Variants in NDUFAF2 observed in about 807,000 individuals in gnomAD.
NDUFAF2 encodes the protein NADH dehydrogenase [ubiquinone] 1 alpha subcomplex assembly factor 2.
A neutral mutation model predicts 22.8 loss-of-function variants in NDUFAF2; 13 were observed. The observed-to-expected ratio is 0.57, with a 90% CI of 0.37 to 0.91. The LOEUF is 0.91. Ranked by LOEUF, NDUFAF2 falls within the 40% of genes least tolerant of loss-of-function variation. The pLI, the probability that NDUFAF2 is intolerant of heterozygous loss-of-function variation, is 0.01. For missense variants in NDUFAF2, 162 were observed against 195.2 expected, an observed-to-expected ratio of 0.83 and a Z score of 1.01; for synonymous variants, 53 against 64.2, an observed-to-expected ratio of 0.83 and a Z score of 0.84.
intron 1 of NDUFAF2, among the ~76,000 whole-genome samples, chr5:60,969,751 T>C (rs1023760827): frequency 6.6e-6 from 1 of 152,180 alleles, no homozygotes; most frequent in Admixed American, 6.5e-5. Flanking sequence ...TATCCATTTT[T>C]GCTTTGGTTG....
Position 60,983,615 on chromosome 5 carries a change from G to A in NDUFAF2, c.127+38233G>A, listed in dbSNP as rs200942798. Among the ~76,000 whole-genome samples, 326 of 148,790 alleles carry A rather than the reference G, an allele frequency of 2.2e-3. 3 individuals carry two copies. The highest frequency in any genetic ancestry group is 7.0e-3 in the East Asian group (35 of 4,980). On this transcript the variant is annotated intron_variant, in intron 1 of 3. Coordinates refer to ENST00000296597, the MANE Select transcript of NDUFAF2 (RefSeq NM_174889.5). ...AAGGGATCCAGTTTCAGCTTTCTAC[G>A]TATGGCTAGCCAGTTTTCCCAGCAC...
chr5:61,069,068 C>A (rs562991440), intron 1 of NDUFAF2, among the ~76,000 whole-genome samples: 60 of 151,074 alleles, frequency 4.0e-4, no homozygotes, highest in African/African-American at 1.4e-3. Context: ...ATTACTCATG[C>A]AGAGCTAAAA....
chr5:60,987,239 T>A (rs1751094382), intron 1 of NDUFAF2, among the ~76,000 whole-genome samples: 1 of 152,034 alleles, frequency 6.6e-6, no homozygotes. Flanking sequence ...AGAAATTGAA[T>A]CCCTGAACAG....
chr5:61,023,122 A>G (rs1265092881), intron 1 of NDUFAF2, among the ~76,000 whole-genome samples: 1 of 152,054 alleles, frequency 6.6e-6, no homozygotes, highest in African/African-American at 2.4e-5. Flanking sequence ...TTCTTCTGTC[A>G]TTTCCTTCTA....
At chr5:61,074,816 A>G (rs941333764) in intron 2 of NDUFAF2, among the ~76,000 whole-genome samples, 2 of 152,104 alleles carry the variant, frequency 1.3e-5, no homozygotes, top group Non-Finnish European at 2.9e-5. Context: ...ATAAAGGAAA[A>G]AGGTTTAATT....
At chr5:60,966,772 T>C (rs1400406700) in intron 1 of NDUFAF2, among the ~76,000 whole-genome samples, 1 of 152,078 alleles carries the variant, frequency 6.6e-6, no homozygotes, top group Non-Finnish European at 1.5e-5. Context: ...TGAAATCAAG[T>C]AGTGTGGTGC....
chr5:60,997,515 A>G (rs1472970239), intron 1 of NDUFAF2, among the ~76,000 whole-genome samples: 1 of 152,216 alleles, frequency 6.6e-6, no homozygotes, highest in Non-Finnish European at 1.5e-5. Flanking sequence ...TGGAATTTAA[A>G]AACTTTATTG....
At chr5:60,947,122 C>G (rs1364443858) in intron 1 of NDUFAF2, among the ~76,000 whole-genome samples, 2 of 152,092 alleles carry the variant, frequency 1.3e-5, no homozygotes, top group African/African-American at 2.4e-5. Flanking sequence ...TTTCATATCT[C>G]TTGGGTAAAT....
chr5:60,985,122 G>A (rs1339846899), intron 1 of NDUFAF2, among the ~76,000 whole-genome samples: 1 of 152,188 alleles, frequency 6.6e-6, no homozygotes, highest in Non-Finnish European at 1.5e-5. Flanking sequence ...TTTAGTCTTG[G>A]AAGGATGTAT....
At chr5:60,959,263 C>T (rs2112566577) in intron 1 of NDUFAF2, among the ~76,000 whole-genome samples, 1 of 151,988 alleles carries the variant, frequency 6.6e-6, no homozygotes, top group East Asian at 1.9e-4. Flanking sequence ...CAGATTTTTC[C>T]AGTAGATGGC....
intron 1 of NDUFAF2, among the ~76,000 whole-genome samples, chr5:61,029,770 A>G (rs1751700046): frequency 6.6e-6 from 1 of 152,162 alleles, no homozygotes; most frequent in Admixed American, 6.6e-5. Context: ...TTTCAGATTT[A>G]AAATGTAAAC....
intron 3 of NDUFAF2, among the ~76,000 whole-genome samples, chr5:61,142,943 C>A (rs1741080335): frequency 6.6e-6 from 1 of 152,132 alleles, no homozygotes; most frequent in African/African-American, 2.4e-5. Context: ...TTCATCCTGG[C>A]AGTTCAACTT....
At chr5:61,053,371 C>G (rs1458262488) in intron 1 of NDUFAF2, among the ~76,000 whole-genome samples, 1 of 152,142 alleles carries the variant, frequency 6.6e-6, no homozygotes, top group Non-Finnish European at 1.5e-5. Context: ...TTCAAATGAT[C>G]CATGTCATCA....
At chr5:61,069,554 G>A (rs1298515708) in intron 1 of NDUFAF2, among the ~76,000 whole-genome samples, 3 of 152,120 alleles carry the variant, frequency 2.0e-5, no homozygotes, top group Non-Finnish European at 2.9e-5. Context: ...GCAAATCACT[G>A]TAAAGAAAAA....
intron 1 of NDUFAF2, among the ~76,000 whole-genome samples, chr5:60,984,009 A>G (rs1305187035): frequency 6.6e-6 from 1 of 152,044 alleles, no homozygotes; most frequent in Non-Finnish European, 1.5e-5. Flanking sequence ...CATTTTCACG[A>G]TACTGATTCT....
chr5:61,046,069 GATT>G (rs1358721143), intron 1 of NDUFAF2, among the ~76,000 whole-genome samples: 2 of 152,110 alleles, frequency 1.3e-5, no homozygotes, highest in Non-Finnish European at 2.9e-5. Flanking sequence ...CTACCGAGAT[GATT>G]ATATGGTTTT....
chr5:60,973,492 G>A (rs1341013140), intron 1 of NDUFAF2, among the ~76,000 whole-genome samples: 1 of 152,092 alleles, frequency 6.6e-6, no homozygotes, highest in Non-Finnish European at 1.5e-5. Context: ...AAGATTCAAG[G>A]CTACAAACAT....
chr5:61,038,069 G>A (rs1436747647), intron 1 of NDUFAF2, among the ~76,000 whole-genome samples: 3 of 119,996 alleles, frequency 2.5e-5, no homozygotes, highest in Non-Finnish European at 5.2e-5. Flanking sequence ...ACGGGGGGTG[G>A]GAGGGAGGGA....
intron 1 of NDUFAF2, among the ~76,000 whole-genome samples, chr5:60,984,116 G>A (rs186296177): frequency 2.0e-5 from 3 of 152,116 alleles, no homozygotes; most frequent in South Asian, 2.1e-4. Flanking sequence ...GGTCCTTCAC[G>A]TCCCTTTGTA....
Sources: gnomAD v4.1 joint callset for allele counts (sites outside exome capture counted in the v4.1 genomes callset) on GRCh38, gnomAD v4.1.1 for gene constraint, MANE v1.5 for transcripts, NCBI Gene and HGNC (gene_info 2026-07-23, HGNC 2026-07-21) for gene names.